PCDH10: variants seen among roughly 807,000 people sequenced by gnomAD.
PCDH10 encodes the protein protocadherin 10.
Under a neutral mutation model 74.4 loss-of-function variants are expected in PCDH10, and 15 were observed. The ratio of observed to expected loss-of-function variants is 0.20; its 90% CI spans 0.13 to 0.31. The LOEUF (loss-of-function observed/expected upper bound fraction) is 0.31. Ranked by LOEUF, PCDH10 falls within the 10% of genes least tolerant of loss-of-function variation. The pLI is 1.00. For synonymous variants in PCDH10, 619 were observed against 589.8 expected (o/e 1.05, Z -0.72); for missense variants, 1,260 against 1,390.2 (o/e 0.91, Z 1.49).
At chr4:133,153,934 G>T in intron 1 of PCDH10, 1 of 190,918 alleles carries the variant, frequency 5.2e-6, no homozygotes, top group Non-Finnish European at 1.1e-5. Flanking sequence ...CAACCAGTAT[G>T]CACCTAAACA....
At position 133,150,214 on chromosome 4, in the gene PCDH10, A is replaced by G. The variant is rs1470992448; in HGVS notation, c.74A>G (p.Gln25Arg). ...TTTTCCCAGCTTCACTACACGGTAC[A>G]GGAGGAGCAGGAACATGGCACTTTC... ...GVFSQLHYTVQEEQEHGTFVG... is the reference protein window; with the variant it reads ...GVFSQLHYTVREEQEHGTFVG... The change falls in exon 1 of 5, where the codon CAG becomes CGG. Residue 25 changes from glutamine (Q) to arginine (R), a missense_variant. Physicochemically the swap from Gln to Arg is conservative, Grantham distance 43 (BLOSUM62 1). Around this residue, in one of 11 missense-constraint regions of PCDH10, gnomAD observed 103 missense variants for 91.5 expected, o/e 1.13. Coordinates refer to ENST00000264360, the MANE Select transcript of PCDH10 (RefSeq NM_032961.3). The G allele has an allele frequency of 3.1e-6, 5 of 1,613,176 alleles. No homozygotes were observed. The highest frequency in any genetic ancestry group is 2.2e-5 in the East Asian group (1 of 44,864).
chr4:133,195,277 T>C (rs940418563), downstream of PCDH10, among the ~76,000 whole-genome samples: 1 of 152,072 alleles, frequency 6.6e-6, no homozygotes, highest in Non-Finnish European at 1.5e-5. Flanking sequence ...ACTGCACGTA[T>C]CTGGACCAAG....
At chr4:133,159,966 G>A (rs955138335) in intron 3 of PCDH10, among the ~76,000 whole-genome samples, 1 of 151,794 alleles carries the variant, frequency 6.6e-6, no homozygotes, top group Non-Finnish European at 1.5e-5. Context: ...ATATTTAATG[G>A]GACTAGGGAC....
At chr4:133,202,822 G>T (rs894335467) in intron 2 of PCDH10, among the ~76,000 whole-genome samples, 5 of 152,144 alleles carry the variant, frequency 3.3e-5, no homozygotes, top group Non-Finnish European at 7.3e-5. Flanking sequence ...GGTGGTCATT[G>T]ATCCATAAAG....
chr4:133,175,278 A>G (rs1727272728), intron 4 of PCDH10, among the ~76,000 whole-genome samples: 2 of 152,082 alleles, frequency 1.3e-5, no homozygotes, highest in South Asian at 4.1e-4. Context: ...TATTGTAAAG[A>G]AGCACCATAA....
At chr4:133,162,785 A>T (rs774153472) in intron 3 of PCDH10, among the ~76,000 whole-genome samples, 192 bp from the exon 4 acceptor site, 31 of 152,200 alleles carry the variant, frequency 2.0e-4, no homozygotes, top group Admixed American at 1.0e-3. Flanking sequence ...ACATTTGCAG[A>T]TCATTTTCCC....
chr4:133,183,310 C>T (rs1318491537), intron 4 of PCDH10, among the ~76,000 whole-genome samples: 3 of 152,032 alleles, frequency 2.0e-5, no homozygotes, highest in Non-Finnish European at 2.9e-5. Context: ...TGTAAATGTA[C>T]TGTTACCTTA....
At chr4:133,187,312 G>T (rs1727563751) in intron 4 of PCDH10, among the ~76,000 whole-genome samples, 1 of 152,062 alleles carries the variant, frequency 6.6e-6, no homozygotes, top group Non-Finnish European at 1.5e-5. Context: ...ATTAGATGTT[G>T]TAAGTAACCT....
intron 2 of PCDH10, among the ~76,000 whole-genome samples, chr4:133,200,087 C>A (rs556453550): frequency 6.6e-6 from 1 of 151,728 alleles, no homozygotes; most frequent in Admixed American, 6.6e-5. Context: ...CGTGAGCCAC[C>A]GCGCCCGGCC....
rs564548979 is a variant in PCDH10 at position 133,190,102 on chromosome 4, A to G, written c.3104-39A>G. ...GTGTAATTCTAAACTCCAAAAGTCA[A>G]CCTCTTTTTCTTAGAGTATTTTTCT... is the stretch of plus-strand genomic sequence containing the variant. On this transcript the variant is annotated intron_variant, in intron 4 of 4. Coordinates refer to ENST00000264360, the MANE Select transcript of PCDH10 (RefSeq NM_032961.3). The G allele has an allele frequency of 2.6e-6, 4 of 1,567,328 alleles. No homozygotes were observed. In the East Asian group the frequency reaches 6.7e-5, roughly 26 times the overall value.
chr4:133,194,785 A>G (rs1227396717), downstream of PCDH10: 2 of 151,986 alleles, frequency 1.3e-5, no homozygotes, highest in Non-Finnish European at 2.9e-5. Flanking sequence ...TTGAAGCAGC[A>G]TATGCTAGGT....
At chr4:133,158,913 TG>T (rs1726913956) in intron 3 of PCDH10, among the ~76,000 whole-genome samples, 1 of 152,214 alleles carries the variant, frequency 6.6e-6, no homozygotes, top group African/African-American at 2.4e-5. Flanking sequence ...ATATACATTT[TG>T]AAAGATTATT....
chr4:133,151,820 C>A lies in PCDH10; in HGVS notation c.1680C>A (p.Val560=). ...SPQALAGNAT[V]NILIVDQNDN... is the part of the protein sequence containing the mutation. ...AGGCGCTGGCTGGTAACGCCACTGT[C>A]AACATCCTCATAGTGGATCAAAATG... Residue 560 remains valine, a synonymous_variant, in exon 1 of 5, where the codon GTC becomes GTA. Transcript: ENST00000264360. The A allele has an allele frequency of 6.2e-7, 1 of 1,613,118 alleles. No individual in the cohort carries two copies. Among genetic ancestry groups the A allele is most frequent in the South Asian group, 1.1e-5 (1 of 91,086 alleles).
chr4:133,169,222 T>G (rs1169952132), intron 4 of PCDH10, among the ~76,000 whole-genome samples: 2 of 151,824 alleles, frequency 1.3e-5, no homozygotes, highest in Non-Finnish European at 3.0e-5. Flanking sequence ...GCTAATAGTT[T>G]TATATTTTCC....
chr4:133,185,301 A>C (rs1241810758), intron 4 of PCDH10, among the ~76,000 whole-genome samples: 1 of 151,654 alleles, frequency 6.6e-6, no homozygotes, highest in Non-Finnish European at 1.5e-5. Flanking sequence ...AGCAAATATG[A>C]GTGTTCAAAT....
rs2125874335 is a variant in PCDH10 at position 133,191,549 on chromosome 4, A to T, written c.*1389A>T. The T allele has an allele frequency of 6.6e-6, 1 of 152,224 alleles. No individual in the cohort carries two copies. The highest frequency in any genetic ancestry group is 1.9e-4 in the East Asian group (1 of 5,164). 9.4% of individuals were successfully genotyped at this position (152,224 alleles called of 1,614,324 possible). A position where few individuals can be genotyped will look rare whatever the true frequency, so the allele number is the denominator to read the frequency against. ...CTTGCCTTTTACTTTTATGTCAACA[A>T]TATTAATTATTAAATTTAGTAAGAC... On this transcript the variant is annotated 3_prime_UTR_variant, in exon 5 of 5. Transcript: ENST00000264360.
chr4:133,154,805 A>T, intron 2 of PCDH10, 112 bp from the exon 3 acceptor site: 1 of 721,240 alleles, frequency 1.4e-6, no homozygotes, highest in Non-Finnish European at 2.4e-6. Flanking sequence ...AACAAAGCCA[A>T]CTAAGAGGTC....
chr4:133,163,941 A>G, intron 4 of PCDH10: 1 of 447,504 alleles, frequency 2.2e-6, no homozygotes, highest in Non-Finnish European at 4.5e-6. Flanking sequence ...GTGAAAAGCA[A>G]AGATTGAATG....
At chr4:133,201,992 T>C (rs1177223535) in intron 2 of PCDH10, among the ~76,000 whole-genome samples, 1 of 151,904 alleles carries the variant, frequency 6.6e-6, no homozygotes, top group Non-Finnish European at 1.5e-5. Flanking sequence ...TTATACAAGA[T>C]ATCAAGGCAG....
Sources: gnomAD v4.1 joint callset for allele counts (sites outside exome capture counted in the v4.1 genomes callset) on GRCh38, gnomAD v4.1.1 for gene constraint, gnomAD v4.1.1 regional missense constraint, MANE v1.5 for transcripts, NCBI Gene and HGNC (gene_info 2026-07-23, HGNC 2026-07-21) for gene names.